Variants in DPP6 observed in about 807,000 individuals in gnomAD.
DPP6 encodes the protein A-type potassium channel modulatory protein DPP6.
DPP6 carries 69 observed loss-of-function variants against 122.6 expected under a neutral mutation model. The observed-to-expected ratio is 0.56, with a 90% CI of 0.46 to 0.69. The LOEUF (loss-of-function observed/expected upper bound fraction) is 0.69, where lower values mean the gene tolerates loss of function less well. Ranked by LOEUF, DPP6 falls within the 30% of genes least tolerant of loss-of-function variation. The pLI, the probability that DPP6 is intolerant of heterozygous loss-of-function variation, is 0.00. For synonymous variants in DPP6, 418 were observed against 433.1 expected, an observed-to-expected ratio of 0.97 and a Z score of 0.43; for missense variants, 928 against 1,116.9, an observed-to-expected ratio of 0.83 and a Z score of 2.41.
Position 154,796,546 on chromosome 7 carries a change from A to G in DPP6, c.1299+663A>G, listed in dbSNP as rs534369107. Among the ~76,000 whole-genome samples the G allele has an allele frequency of 4.6e-5, 7 of 152,364 alleles. No individual in the cohort carries two copies. In the South Asian group the frequency reaches 1.4e-3, roughly 32 times the overall value. On this transcript the variant is annotated intron_variant, in intron 12 of 25. Coordinates refer to ENST00000377770, the MANE Select transcript of DPP6 (RefSeq NM_130797.4). Reference sequence around the variant, plus strand: ...TTTTTGTCTCATTCCACACTCTGACACTAAGAAGAACAGGTGAAAAAGCTT... The same window carrying G: ...TTTTTGTCTCATTCCACACTCTGACGCTAAGAAGAACAGGTGAAAAAGCTT...
chr7:154,614,421 G>A (rs1757247080), intron 5 of DPP6, among the ~76,000 whole-genome samples: 1 of 124,870 alleles, frequency 8.0e-6, no homozygotes, highest in Middle Eastern at 3.8e-3. Context: ...AAGCTTTGAT[G>A]TAGCTTTTTT....
At position 154,318,804 on chromosome 7, in the gene DPP6, C is replaced by G. The variant is rs76085815; in HGVS notation, c.244-127410C>G. Among the ~76,000 whole-genome samples the G allele has an allele frequency of 5.5e-4, 84 of 152,266 alleles. 1 individual carries two copies. Among genetic ancestry groups the G allele is most frequent in the African/African-American group, 1.8e-3 (73 of 41,528 alleles). On this transcript the variant is annotated intron_variant, in intron 1 of 25. Transcript: ENST00000377770. ...CCTTCCCACACTATACCCCACCCCC[C>G]CCAAGCCATGGCATGAGCTTATATG...
At chr7:154,726,661 C>T (rs1284379600) in intron 7 of DPP6, among the ~76,000 whole-genome samples, 1 of 152,214 alleles carries the variant, frequency 6.6e-6, no homozygotes, top group African/African-American at 2.4e-5. Flanking sequence ...TCCTTATTGT[C>T]TTGGTGATTA....
chr7:154,175,820 T>G (rs1174636320), intron 1 of DPP6, among the ~76,000 whole-genome samples: 1 of 150,308 alleles, frequency 6.7e-6, no homozygotes, highest in Non-Finnish European at 1.5e-5. Context: ...CCAGGGTAGC[T>G]GGGATTACAG....
At chr7:154,101,127 C>T (rs1301531024) in intron 1 of DPP6, among the ~76,000 whole-genome samples, 1 of 137,686 alleles carries the variant, frequency 7.3e-6, no homozygotes, top group African/African-American at 2.5e-5. Flanking sequence ...ACCTGAATGC[C>T]ATGTGGTGTT....
intron 3 of DPP6, among the ~76,000 whole-genome samples, chr7:154,476,447 G>C (rs1197749386): frequency 6.6e-6 from 1 of 152,224 alleles, no homozygotes; most frequent in East Asian, 1.9e-4. Context: ...GCAAGCACTT[G>C]TGGGATGCCA....
At chr7:154,042,921 C>T (rs1234172621) in intron 1 of DPP6, among the ~76,000 whole-genome samples, 1 of 152,152 alleles carries the variant, frequency 6.6e-6, no homozygotes, top group Admixed American at 6.5e-5. Context: ...CATTGAGATG[C>T]TCTATGCATT....
At chr7:154,195,383 G>A (rs1247114109) in intron 1 of DPP6, among the ~76,000 whole-genome samples, 1 of 152,126 alleles carries the variant, frequency 6.6e-6, no homozygotes, top group Admixed American at 6.5e-5. Context: ...GCCATTGGCT[G>A]GCAGCCTGTT....
intron 1 of DPP6, among the ~76,000 whole-genome samples, chr7:154,445,958 CATA>C (rs914557438): frequency 6.6e-6 from 1 of 152,078 alleles, no homozygotes; most frequent in Non-Finnish European, 1.5e-5. Context: ...AAGCTGCAAA[CATA>C]ATAATATCAG....
intron 7 of DPP6, among the ~76,000 whole-genome samples, chr7:154,682,700 C>T (rs975189888): frequency 4.6e-5 from 7 of 152,336 alleles, no homozygotes; most frequent in African/African-American, 1.4e-4. Flanking sequence ...CACAGGGCTC[C>T]TCCTTTGCAG....
intron 1 of DPP6, among the ~76,000 whole-genome samples, chr7:154,153,997 T>C (rs1447792005): frequency 1.3e-5 from 2 of 152,180 alleles, no homozygotes; most frequent in Non-Finnish European, 2.9e-5. Flanking sequence ...TGATGATTTG[T>C]TCCTCGATCA....
chr7:154,060,640 G>T (rs1297088182), intron 1 of DPP6, among the ~76,000 whole-genome samples: 1 of 148,372 alleles, frequency 6.7e-6, no homozygotes, highest in Non-Finnish European at 1.5e-5. Context: ...TCGCAGGAGG[G>T]GGAGGCACCC....
intron 1 of DPP6, among the ~76,000 whole-genome samples, chr7:153,905,549 A>G (rs117404456): frequency 6.6e-6 from 1 of 152,330 alleles, no homozygotes; most frequent in Non-Finnish European, 1.5e-5. Context: ...TCACATTGTC[A>G]ATCCAAGGCA....
In DPP6 at chr7:153,974,308, C is replaced by T. The variant is rs181595423; in HGVS notation, c.51+86574C>T. 5.2e-3 allele frequency among the ~76,000 whole-genome samples: 795 copies of T among 152,282 alleles called. 6 individuals are homozygous for T. The highest frequency in any genetic ancestry group is 0.018 in the African/African-American group (753 of 41,550). On this transcript the variant is annotated intron_variant, in intron 1 of 25. Coordinates refer to the DPP6 transcript ENST00000404039. ...GGCAAGCATGCTTCATCTTGCTCTG[C>T]AGTGGCAACTCTCTCGTTTCCCATG... is the stretch of plus-strand genomic sequence containing the variant.
chr7:153,967,419 C>G (rs1017131498), intron 1 of DPP6, among the ~76,000 whole-genome samples: 3 of 152,178 alleles, frequency 2.0e-5, no homozygotes, highest in Non-Finnish European at 4.4e-5. Flanking sequence ...CAAGGAGCAT[C>G]TAACTTCAGC....
At chr7:154,166,632 C>G (rs1797265037) in intron 1 of DPP6, among the ~76,000 whole-genome samples, 1 of 142,980 alleles carries the variant, frequency 7.0e-6, no homozygotes, top group Non-Finnish European at 1.5e-5. Flanking sequence ...TTTCATATGG[C>G]CGGGCTCAGT....
At chr7:154,117,702 A>G (rs1807094616) in intron 1 of DPP6, among the ~76,000 whole-genome samples, 1 of 152,042 alleles carries the variant, frequency 6.6e-6, no homozygotes, top group Non-Finnish European at 1.5e-5. Flanking sequence ...ACTGCTGCTT[A>G]ATGAGTGTAA....
At chr7:154,531,612 C>T (rs1166511813) in intron 3 of DPP6, among the ~76,000 whole-genome samples, 1 of 152,006 alleles carries the variant, frequency 6.6e-6, no homozygotes, top group African/African-American at 2.4e-5. Context: ...CAGAAATGGC[C>T]AATTGTGGAT....
chr7:154,616,833 T>G (rs1834293466), intron 5 of DPP6, among the ~76,000 whole-genome samples: 1 of 152,226 alleles, frequency 6.6e-6, no homozygotes, highest in Non-Finnish European at 1.5e-5. Flanking sequence ...CCATCTCATT[T>G]GTAGGAAGCA....
Sources: gnomAD v4.1 joint callset for allele counts (sites outside exome capture counted in the v4.1 genomes callset) on GRCh38, gnomAD v4.1.1 for gene constraint, MANE v1.5 for transcripts, NCBI Gene and HGNC (gene_info 2026-07-23, HGNC 2026-07-21) for gene names.